KCNIP4: variants seen among roughly 807,000 people sequenced by gnomAD.
KCNIP4 encodes the protein potassium voltage-gated channel interacting protein 4, also known as Kv channel-interacting protein 4.
In KCNIP4, 12 loss-of-function variants were observed where a neutral mutation model predicts 34.0. The ratio of observed to expected loss-of-function variants is 0.35; its 90% CI spans 0.23 to 0.57. The LOEUF (loss-of-function observed/expected upper bound fraction) is 0.57. Ranked by LOEUF, KCNIP4 falls within the 20% of genes least tolerant of loss-of-function variation. The probability of loss-of-function intolerance (pLI) is 0.83; values close to 1 mark genes in which losing one functional copy is unlikely to be tolerated. For synonymous variants in KCNIP4, 124 were observed against 102.2 expected (o/e 1.21, Z -1.29); for missense variants, 238 against 311.7 (o/e 0.76, Z 1.78).
chr4:21,220,496 C>T (rs1757912308), intron 1 of KCNIP4, among the ~76,000 whole-genome samples: 1 of 152,044 alleles, frequency 6.6e-6, no homozygotes, highest in Non-Finnish European at 1.5e-5. Flanking sequence ...CAACATGGCA[C>T]ATGTATACAT....
At chr4:21,035,033 A>G (rs571829085) in intron 1 of KCNIP4, among the ~76,000 whole-genome samples, 188 of 152,292 alleles carry the variant, frequency 1.2e-3, no homozygotes, top group Admixed American at 2.4e-3. Flanking sequence ...TAAGGATCCA[A>G]AGCAATTTCC....
At chr4:21,767,114 G>C (rs548408256) in intron 1 of KCNIP4, among the ~76,000 whole-genome samples, 1 of 152,258 alleles carries the variant, frequency 6.6e-6, no homozygotes, top group East Asian at 1.9e-4. Flanking sequence ...GAGAACTAGG[G>C]AGAAGACTTA....
At chr4:20,911,406 C>T (rs1728314118) in intron 1 of KCNIP4, among the ~76,000 whole-genome samples, 1 of 152,064 alleles carries the variant, frequency 6.6e-6, no homozygotes, top group South Asian at 2.1e-4. Context: ...ACAGAAGGAA[C>T]CCTAATAAAG....
At chr4:21,204,177 A>T (rs1577883638) in intron 1 of KCNIP4, among the ~76,000 whole-genome samples, 1 of 150,446 alleles carries the variant, frequency 6.6e-6, no homozygotes, top group African/African-American at 2.4e-5. Context: ...CACTCTTCCT[A>T]TTTTTTTTTA....
At chr4:21,411,689 A>G in intron 1 of KCNIP4, among the ~76,000 whole-genome samples, 1 of 152,128 alleles carries the variant, frequency 6.6e-6, no homozygotes, top group East Asian at 1.9e-4. Flanking sequence ...ACAAATACTT[A>G]GCCAGGCATA....
intron 1 of KCNIP4, among the ~76,000 whole-genome samples, chr4:21,294,366 C>A (rs1763715610): frequency 6.6e-6 from 1 of 152,154 alleles, no homozygotes; most frequent in East Asian, 1.9e-4. Flanking sequence ...TGGTTCCCAG[C>A]CTCACTACAA....
At chr4:21,757,874 T>A (rs573708263) in intron 1 of KCNIP4, among the ~76,000 whole-genome samples, 13 of 152,036 alleles carry the variant, frequency 8.6e-5, no homozygotes, top group Admixed American at 1.3e-4. Context: ...GTGAGCTGAG[T>A]ATTGGGTGTA....
intron 1 of KCNIP4, among the ~76,000 whole-genome samples, chr4:21,352,572 G>A (rs1023924272): frequency 1.3e-5 from 2 of 152,334 alleles, no homozygotes; most frequent in Middle Eastern, 3.4e-3. Flanking sequence ...CCTGGCAGGG[G>A]GAGGGATGTT....
chr4:20,833,647 T>C (rs1560499981), intron 3 of KCNIP4, among the ~76,000 whole-genome samples: 1 of 152,176 alleles, frequency 6.6e-6, no homozygotes, highest in African/African-American at 2.4e-5. Flanking sequence ...ATTGGTCCTT[T>C]ACGCAAAATA....
At chr4:21,403,487 A>G (rs529639402) in intron 1 of KCNIP4, among the ~76,000 whole-genome samples, 2 of 152,142 alleles carry the variant, frequency 1.3e-5, no homozygotes, top group South Asian at 2.1e-4. Context: ...TACGTGCCAG[A>G]TCTTGTCAGT....
chr4:21,113,650 G>A (rs1327044295), intron 1 of KCNIP4, among the ~76,000 whole-genome samples: 2 of 152,090 alleles, frequency 1.3e-5, no homozygotes, highest in Non-Finnish European at 2.9e-5. Flanking sequence ...TCCAGCCCAT[G>A]TGCAAGCATT....
chr4:21,883,993 A>G (rs1726612054), intron 1 of KCNIP4, among the ~76,000 whole-genome samples: 1 of 152,086 alleles, frequency 6.6e-6, no homozygotes, highest in Non-Finnish European at 1.5e-5. Context: ...TGCTGGGAAT[A>G]TAGTAGCAGG....
chr4:21,183,057 C>A (rs2109327758), intron 1 of KCNIP4, among the ~76,000 whole-genome samples: 1 of 152,236 alleles, frequency 6.6e-6, no homozygotes, highest in African/African-American at 2.4e-5. Context: ...CTTTCTACTT[C>A]TATAAGATCA....
intron 1 of KCNIP4, among the ~76,000 whole-genome samples, chr4:21,801,117 C>G (rs188249869): frequency 3.3e-5 from 5 of 152,114 alleles, no homozygotes; most frequent in Admixed American, 2.0e-4. Context: ...TGTGTTCCCT[C>G]GGATGATTTA....
intron 1 of KCNIP4, among the ~76,000 whole-genome samples, chr4:21,740,509 C>A (rs1356139940): frequency 6.6e-6 from 1 of 151,890 alleles, no homozygotes; most frequent in East Asian, 1.9e-4. Flanking sequence ...CAGTGGTAAG[C>A]AATCAGAGAA....
Position 21,241,902 on chromosome 4 carries a change from C to G in KCNIP4, c.62-359193G>C, listed in dbSNP as rs1759842414. On this transcript the variant is annotated intron_variant, in intron 1 of 8. Coordinates refer to ENST00000382152, the MANE Select transcript of KCNIP4 (RefSeq NM_025221.6). Reference sequence around the variant, plus strand: ...TATGTTGGCCGGGCGTGGTGGCTCACGCCTGTAATCCCAGCACTTTGGGAG... The same window carrying G: ...TATGTTGGCCGGGCGTGGTGGCTCAGGCCTGTAATCCCAGCACTTTGGGAG... Among the ~76,000 whole-genome samples the G allele has an allele frequency of 2.6e-5, 4 of 151,912 alleles. No homozygotes were observed. The South Asian group carries it at 8.3e-4, about 31-fold the overall frequency.
chr4:21,240,997 A>C (rs1003839528), intron 1 of KCNIP4, among the ~76,000 whole-genome samples: 19 of 152,342 alleles, frequency 1.2e-4, no homozygotes, highest in Middle Eastern at 3.4e-3. Context: ...AAATTAGGCC[A>C]AAATAAGGAA....
chr4:21,170,728 A>G (rs1346843325), intron 1 of KCNIP4, among the ~76,000 whole-genome samples: 4 of 152,230 alleles, frequency 2.6e-5, no homozygotes, highest in Non-Finnish European at 5.9e-5. Context: ...GAAATAAAAC[A>G]GTGGAAAATA....
At chr4:20,875,448 T>C (rs995922033) in intron 2 of KCNIP4, among the ~76,000 whole-genome samples, 7 of 152,216 alleles carry the variant, frequency 4.6e-5, no homozygotes, top group African/African-American at 1.7e-4. Context: ...TGCAAGCCAC[T>C]TAAAACTGTA....
Sources: allele counts gnomAD v4.1 joint callset (sites outside exome capture counted in the v4.1 genomes callset), GRCh38; gene constraint gnomAD v4.1.1; transcripts MANE v1.5; gene names NCBI Gene and HGNC (gene_info 2026-07-23, HGNC 2026-07-21).